The following FRMD6 variants were observed in gnomAD, a reference collection of about 807,000 sequenced individuals.
The protein encoded by FRMD6 is FERM domain containing 6.
A neutral mutation model predicts 73.2 loss-of-function variants in FRMD6; 37 were observed. That is an observed-to-expected ratio of 0.51 (90% confidence interval 0.39 to 0.66). The LOEUF (loss-of-function observed/expected upper bound fraction) is 0.66, where lower values mean the gene tolerates loss of function less well. Ranked by LOEUF, FRMD6 falls within the 30% of genes least tolerant of loss-of-function variation. FRMD6 has a pLI of 0.00. For synonymous variants in FRMD6, 273 were observed against 282.2 expected, an observed-to-expected ratio of 0.97 and a Z score of 0.33; for missense variants, 714 against 780.5, an observed-to-expected ratio of 0.91 and a Z score of 1.02.
chr14:51,415,585 G>A, the FRMD6 span, among the ~76,000 whole-genome samples: 25,282 of 152,156 alleles, frequency 0.17, 2,313 homozygotes, highest in Middle Eastern at 0.26. Flanking sequence ...TTGCATTGAT[G>A]TTCATCAGGG....
the FRMD6 span, among the ~76,000 whole-genome samples, chr14:51,453,081 A>C: frequency 6.6e-6 from 1 of 152,150 alleles, no homozygotes; most frequent in Admixed American, 6.5e-5. Context: ...TGACCATGTA[A>C]AGTTAAGGGG....
At position 51,651,959 on chromosome 14, in the gene FRMD6, A is replaced by G. The variant is rs886763422; in HGVS notation, c.-184A>G. 1 of 152,190 alleles carries G rather than the reference A, an allele frequency of 6.6e-6. No individual in the cohort carries two copies. Among genetic ancestry groups the G allele is most frequent in the Non-Finnish European group, 1.5e-5 (1 of 68,102 alleles). The allele number at this position is 152,190 out of a possible 1,614,324, so 9.4% of individuals were successfully genotyped here. ...GGTAGGAAGAGTCAGAGGGGTGACC[A>G]GAGAGCCCAACGCCTGGTGCTCAAG... On this transcript the variant is annotated 5_prime_UTR_variant, in exon 1 of 14. Transcript: ENST00000344768.
chr14:51,504,276 G>A (rs1883812526), intron 1 of FRMD6, among the ~76,000 whole-genome samples: 1 of 152,236 alleles, frequency 6.6e-6, no homozygotes, highest in South Asian at 2.1e-4. Context: ...CTGTGAAACA[G>A]CAAAGATGGC....
intron 2 of FRMD6, among the ~76,000 whole-genome samples, chr14:51,691,155 T>G (rs1450797086): frequency 6.6e-6 from 1 of 152,222 alleles, no homozygotes; most frequent in Non-Finnish European, 1.5e-5. Context: ...ACATTTGTCC[T>G]GTGAAATTTA....
intron 2 of FRMD6, among the ~76,000 whole-genome samples, chr14:51,636,311 A>G (rs985662156): frequency 1.3e-5 from 2 of 152,248 alleles, no homozygotes; most frequent in African/African-American, 4.8e-5. Context: ...GAAATCTTAG[A>G]GTCCTTCCCA....
chr14:51,568,618 G>A (rs904611640), intron 1 of FRMD6, among the ~76,000 whole-genome samples: 5 of 152,142 alleles, frequency 3.3e-5, no homozygotes, highest in Admixed American at 1.3e-4. Context: ...GCCCAAGGAT[G>A]GTTCTGGGAG....
chr14:51,609,719 A>C lies in FRMD6; in HGVS notation c.-147+39309A>C, dbSNP rs566579687. On this transcript the variant is annotated intron_variant, in intron 2 of 14. Coordinates refer to the FRMD6 transcript ENST00000356218. Reference sequence around the variant, plus strand: ...AGATGGGGGAGAGCCGACTGGCAGGAGATGCGGCTCAAGAGCGGTTGGTTA... The same window carrying C: ...AGATGGGGGAGAGCCGACTGGCAGGCGATGCGGCTCAAGAGCGGTTGGTTA... Among the ~76,000 whole-genome samples, 3 of 152,300 alleles carry C rather than the reference A, an allele frequency of 2.0e-5. No homozygotes were observed. The South Asian group carries it at 6.2e-4, about 32-fold the overall frequency.
At position 51,704,817 on chromosome 14, in the gene FRMD6, T is replaced by C. The variant is rs371693224; in HGVS notation, c.440T>C (p.Leu147Pro). ...RKQVLHSQCV[L>P]REEAYFLLAA... ...CAAGTTCTTCATTCTCAGTGTGTGC[T>C]CCGAGAGGAGGCCTACTTCCTGCTG... is the stretch of plus-strand genomic sequence containing the variant. Residue 147 changes from leucine to proline, a missense_variant, in exon 6 of 14, where the codon CTC (leucine) becomes CCC (proline). Physicochemically the swap from Leu to Pro is moderately conservative, Grantham distance 98. Transcript: ENST00000344768. The C allele has an allele frequency of 1.2e-6, 2 of 1,613,278 alleles. No individual in the cohort carries two copies. Among genetic ancestry groups the C allele is most frequent in the Non-Finnish European group, 1.7e-6 (2 of 1,179,552 alleles).
chr14:51,694,517 C>G (rs945458130), intron 2 of FRMD6, among the ~76,000 whole-genome samples: 4 of 151,988 alleles, frequency 2.6e-5, no homozygotes, highest in Non-Finnish European at 4.4e-5. Context: ...TAGTGAGACC[C>G]CTGTCTCTAC....
chr14:51,587,440 C>T (rs1317388169), intron 2 of FRMD6, among the ~76,000 whole-genome samples: 2 of 152,158 alleles, frequency 1.3e-5, no homozygotes, highest in Admixed American at 6.5e-5. Context: ...ATTGTATGGC[C>T]GCGGTGGCTG....
rs565745543 is a variant in FRMD6, at chr14:51,583,512, A to G, written c.-147+13102A>G. On this transcript the variant is annotated intron_variant, in intron 2 of 14. Coordinates refer to the FRMD6 transcript ENST00000356218. ...TAATAATAGATGATATTTACAGAGC[A>G]CTTACTATGTACCTGGAGCTCTTCC... Among the ~76,000 whole-genome samples the G allele has an allele frequency of 2.4e-3, 367 of 152,342 alleles. 2 individuals carry two copies. The highest frequency in any genetic ancestry group is 8.3e-3 in the African/African-American group (345 of 41,572).
At position 51,727,865 on chromosome 14, in the gene FRMD6, T is replaced by C. The variant is rs1274110276; in HGVS notation, c.1705T>C (p.Tyr569His). 6.2e-7 allele frequency: 1 copy of C among 1,614,234 alleles called. No homozygotes were observed. The highest frequency in any genetic ancestry group is 2.2e-5 in the East Asian group (1 of 44,890). ...TCTGTGTCAGGACACTGCTCAGAGTTACACCTTTGGATGTGGCCATGAACT... is the reference window on the plus strand; with the variant it reads ...TCTGTGTCAGGACACTGCTCAGAGTCACACCTTTGGATGTGGCCATGAACT... ...AGLCQDTAQS[Y>H]TFGCGHELDE... The change falls in exon 14 of 14, where the codon TAC becomes CAC. Residue 569 changes from tyrosine (Y) to histidine (H), a missense_variant. Physicochemically the swap from Tyr to His is moderately conservative, Grantham distance 83 (BLOSUM62 2). Coordinates refer to ENST00000344768, the MANE Select transcript of FRMD6 (RefSeq NM_001267046.2).
the FRMD6 span, among the ~76,000 whole-genome samples, chr14:51,460,004 T>A: frequency 6.6e-6 from 1 of 151,686 alleles, no homozygotes; most frequent in East Asian, 1.9e-4. Context: ...AATTACTATT[T>A]CCGTTAATAC....
At chr14:51,418,645 G>A in the FRMD6 span, among the ~76,000 whole-genome samples, 1 of 152,240 alleles carries the variant, frequency 6.6e-6, no homozygotes, top group South Asian at 2.1e-4. Flanking sequence ...GGACCCACTT[G>A]AGGAAGCAGT....
chr14:51,452,511 G>A, the FRMD6 span, among the ~76,000 whole-genome samples: 1 of 152,216 alleles, frequency 6.6e-6, no homozygotes. Context: ...ATTGACTGAG[G>A]TGCCAGTGGG....
At chr14:51,443,321 T>C in the FRMD6 span, among the ~76,000 whole-genome samples, 1 of 152,226 alleles carries the variant, frequency 6.6e-6, no homozygotes, top group Non-Finnish European at 1.5e-5. Flanking sequence ...GTCCAAGATG[T>C]ATAGATTTCT....
rs551178251 is a variant in FRMD6, at chr14:51,616,311, A to G, written c.-147+45901A>G. Among the ~76,000 whole-genome samples the G allele has an allele frequency of 1.6e-4, 24 of 152,278 alleles. 1 individual carries two copies. The South Asian group carries it at 4.4e-3, about 28-fold the overall frequency. On this transcript the variant is annotated intron_variant, in intron 2 of 14. Coordinates refer to the FRMD6 transcript ENST00000356218. Reference sequence around the variant, plus strand: ...TGATGCTTGGATCCAGTGCCAGTGAATACAATTTAAGTGTTCTAAGATGCA... The same window carrying G: ...TGATGCTTGGATCCAGTGCCAGTGAGTACAATTTAAGTGTTCTAAGATGCA...
At chr14:51,713,047 CT>C (rs1897030860) in intron 9 of FRMD6, among the ~76,000 whole-genome samples, 1 of 152,156 alleles carries the variant, frequency 6.6e-6, no homozygotes, top group Admixed American at 6.5e-5. Context: ...GATACATTTT[CT>C]TTTGTTAGAG....
At chr14:51,536,323 C>A (rs886130667) in intron 1 of FRMD6, among the ~76,000 whole-genome samples, 4 of 151,924 alleles carry the variant, frequency 2.6e-5, no homozygotes, top group Non-Finnish European at 5.9e-5. Flanking sequence ...AACTCCTGGC[C>A]CCAAGTGATC....
Sources: gnomAD v4.1 joint callset for allele counts (sites outside exome capture counted in the v4.1 genomes callset) on GRCh38, gnomAD v4.1.1 for gene constraint, MANE v1.5 for transcripts, NCBI Gene and HGNC (gene_info 2026-07-23, HGNC 2026-07-21) for gene names.